Variants in GLRA1 observed in about 807,000 individuals in gnomAD.
GLRA1 encodes glycine receptor alpha 1.
In GLRA1, 37 loss-of-function variants were observed where a neutral mutation model predicts 48.3. That is an observed-to-expected ratio of 0.77 (90% confidence interval 0.59 to 1.01). The LOEUF (loss-of-function observed/expected upper bound fraction) is 1.01, where lower values mean the gene tolerates loss of function less well. Among genes scored for constraint, GLRA1 ranks in the 50% least tolerant of loss-of-function variants. GLRA1 has a pLI of 0.00. For missense variants in GLRA1, 427 were observed against 571.0 expected, an observed-to-expected ratio of 0.75 and a Z score of 2.57; for synonymous variants, 196 against 210.7, an observed-to-expected ratio of 0.93 and a Z score of 0.60.
intron 7 of GLRA1, chr5:151,849,148 C>CTTTCTTTTCT (rs1167005109): frequency 4.9e-5 from 7 of 142,938 alleles, no homozygotes; most frequent in Admixed American, 4.8e-4. Context: ...TTCTTTCTTT[C>CTTTCTTTTCT]TTTCTTTTCT....
intron 3 of GLRA1, among the ~76,000 whole-genome samples, 196 bp from the exon 4 acceptor site, chr5:151,860,204 T>C (rs138293464): frequency 1.3e-5 from 2 of 152,218 alleles, no homozygotes; most frequent in East Asian, 3.9e-4. Context: ...CTGAAAATCC[T>C]CTAAATGCCC....
intron 7 of GLRA1, chr5:151,850,237 C>T (rs1298732654): frequency 6.2e-7 from 1 of 1,604,510 alleles, no homozygotes; most frequent in East Asian, 2.2e-5. Context: ...TATGCTGGAG[C>T]CAAGATGGTG....
At chr5:151,836,872 A>G (rs1218475153) in intron 7 of GLRA1, among the ~76,000 whole-genome samples, 2 of 152,240 alleles carry the variant, frequency 1.3e-5, no homozygotes, top group African/African-American at 4.8e-5. Flanking sequence ...CATTCAGGAC[A>G]TAGGCCCAAA....
At chr5:151,857,341 A>G (rs1026119579) in intron 4 of GLRA1, among the ~76,000 whole-genome samples, 4 of 152,218 alleles carry the variant, frequency 2.6e-5, no homozygotes, top group African/African-American at 4.8e-5. Flanking sequence ...CAAGTGACAC[A>G]GTCAGGGAAC....
intron 7 of GLRA1, chr5:151,849,206 T>TTTTCC (rs1554083336): frequency 4.7e-5 from 4 of 84,546 alleles, no homozygotes; most frequent in African/African-American, 2.4e-4. Flanking sequence ...CTTTTCTTTC[T>TTTTCC]TTCCTTCCTT....
chr5:151,902,449 T>C (rs1266980644), intron 1 of GLRA1, among the ~76,000 whole-genome samples: 1 of 152,108 alleles, frequency 6.6e-6, no homozygotes, highest in Non-Finnish European at 1.5e-5. Flanking sequence ...TGTTTTACCC[T>C]TTTCTCAGTT....
chr5:151,825,295 GTTCTAT>G (rs1421315127), intron 8 of GLRA1, among the ~76,000 whole-genome samples: 1 of 152,030 alleles, frequency 6.6e-6, no homozygotes, highest in Non-Finnish European at 1.5e-5. Context: ...CTGGGGTGTT[GTTCTAT>G]TTTTATTTTT....
rs538488002 is a variant in GLRA1 at position 151,859,588 on chromosome 5, G to A, written c.476+197C>T. Reference sequence around the variant, plus strand: ...TGGTTATAATAAATCATTGGCTCCTGAATAAAATGCCCCATTGTATTTTAT... The same window carrying A: ...TGGTTATAATAAATCATTGGCTCCTAAATAAAATGCCCCATTGTATTTTAT... On this transcript the variant is annotated intron_variant, in intron 4 of 8. Coordinates refer to ENST00000274576, the MANE Select transcript of GLRA1 (RefSeq NM_000171.4). Among the ~76,000 whole-genome samples, 4 of 152,270 alleles carry A rather than the reference G, an allele frequency of 2.6e-5. No homozygotes were observed. The South Asian group carries it at 8.3e-4, about 32-fold the overall frequency.
rs933364437 is a variant in GLRA1 at position 151,838,215 on chromosome 5, C to T, written c.913-9148G>A. Among the ~76,000 whole-genome samples the T allele has an allele frequency of 4.6e-5, 7 of 152,236 alleles. No individual in the cohort carries two copies. The East Asian group carries it at 1.2e-3, about 25-fold the overall frequency. ...ATAAAGAGAAATGATAGCCTGTAAT[C>T]CCAGCACTTTGGGAGGCTGAGGCAG... On this transcript the variant is annotated intron_variant, in intron 7 of 8. Coordinates refer to ENST00000274576, the MANE Select transcript of GLRA1 (RefSeq NM_000171.4).
At chr5:151,880,803 A>G in intron 3 of GLRA1, among the ~76,000 whole-genome samples, 1 of 152,262 alleles carries the variant, frequency 6.6e-6, no homozygotes, top group East Asian at 1.9e-4. Flanking sequence ...ACATGTAAAC[A>G]TGCCTACTCA....
At chr5:151,840,135 C>T (rs986443565) in intron 7 of GLRA1, among the ~76,000 whole-genome samples, 3 of 151,732 alleles carry the variant, frequency 2.0e-5, no homozygotes, top group African/African-American at 7.3e-5. Context: ...GCTTTGTCAC[C>T]CAGGCTGGAG....
intron 3 of GLRA1, among the ~76,000 whole-genome samples, chr5:151,880,371 G>A (rs1470602957): frequency 1.3e-5 from 2 of 152,166 alleles, no homozygotes; most frequent in Non-Finnish European, 2.9e-5. Flanking sequence ...TCAAACCCTG[G>A]TCTCCTGACT....
chr5:151,836,688 C>T (rs533617056), intron 7 of GLRA1, among the ~76,000 whole-genome samples: 2 of 152,120 alleles, frequency 1.3e-5, no homozygotes, highest in South Asian at 4.1e-4. Flanking sequence ...CAAAAACAAG[C>T]AATGGGGAAA....
In GLRA1 at chr5:151,871,121, G is replaced by T. The variant is rs1045617643; in HGVS notation, c.253-11113C>A. Among the ~76,000 whole-genome samples, 11 of 149,510 alleles carry T rather than the reference G, an allele frequency of 7.4e-5. 1 individual carries two copies. The highest frequency in any genetic ancestry group is 2.8e-4 in the African/African-American group (11 of 38,920). On this transcript the variant is annotated intron_variant, in intron 3 of 8. Transcript: ENST00000274576. ...CTGCTCATCACCCCATGGTCTGCTT[G>T]TGATAGACTCTAATGGCATTTCTGA...
intron 1 of GLRA1, among the ~76,000 whole-genome samples, chr5:151,899,509 T>C (rs1754312443): frequency 6.6e-6 from 1 of 152,146 alleles, no homozygotes; most frequent in Admixed American, 6.5e-5. Flanking sequence ...GAGGTGGGGC[T>C]GAGCTGGGCT....
chr5:151,824,617 C>G (rs1013241162), intron 8 of GLRA1, among the ~76,000 whole-genome samples: 4 of 152,118 alleles, frequency 2.6e-5, no homozygotes, highest in African/African-American at 9.7e-5. Flanking sequence ...CACTCTGAAC[C>G]CCATCTCTTG....
intron 1 of GLRA1, among the ~76,000 whole-genome samples, chr5:151,894,070 G>A (rs1053560668): frequency 1.3e-5 from 2 of 152,168 alleles, no homozygotes; most frequent in Non-Finnish European, 2.9e-5. Context: ...ATAGTTAGGA[G>A]CCATAAGCAG....
intron 8 of GLRA1, among the ~76,000 whole-genome samples, chr5:151,828,719 A>C (rs535056179): frequency 6.6e-6 from 1 of 152,230 alleles, no homozygotes; most frequent in African/African-American, 2.4e-5. Flanking sequence ...TAGGATTCGA[A>C]GAGTGACTGC....
intron 1 of GLRA1, among the ~76,000 whole-genome samples, chr5:151,907,045 T>A (rs1754488159): frequency 6.6e-6 from 1 of 152,212 alleles, no homozygotes; most frequent in South Asian, 2.1e-4. Flanking sequence ...CTCTGCTCAG[T>A]AGCATGCTGT....
Sources: gnomAD v4.1 joint callset for allele counts (sites outside exome capture counted in the v4.1 genomes callset) on GRCh38, gnomAD v4.1.1 for gene constraint, MANE v1.5 for transcripts, NCBI Gene and HGNC (gene_info 2026-07-23, HGNC 2026-07-21) for gene names.